CCNY: variants seen among roughly 807,000 people sequenced by gnomAD.
The protein encoded by CCNY is cyclin Y.
In CCNY, 19 loss-of-function variants were observed where a neutral mutation model predicts 42.8. The ratio of observed to expected loss-of-function variants is 0.44; its 90% CI spans 0.31 to 0.65. The LOEUF (loss-of-function observed/expected upper bound fraction) is 0.65, where lower values mean the gene tolerates loss of function less well. Among genes scored for constraint, CCNY ranks in the 30% least tolerant of loss-of-function variants. The probability of loss-of-function intolerance (pLI) is 0.07; values close to 1 mark genes in which losing one functional copy is unlikely to be tolerated. For synonymous variants in CCNY, 165 were observed against 162.7 expected (o/e 1.01, Z -0.11); for missense variants, 370 against 437.3 (o/e 0.85, Z 1.37).
At chr10:35,448,555 C>CT (rs1218178236) in intron 1 of CCNY, among the ~76,000 whole-genome samples, 1 of 152,022 alleles carries the variant, frequency 6.6e-6, no homozygotes, top group African/African-American at 2.4e-5. Flanking sequence ...TAGGACAGTG[C>CT]TTATATAAAG....
chr10:35,382,107 G>A (rs904400628), intron 1 of CCNY, among the ~76,000 whole-genome samples: 7 of 152,180 alleles, frequency 4.6e-5, no homozygotes, highest in African/African-American at 9.7e-5. Context: ...TAGATATGCC[G>A]TTGTAGGCGA....
In CCNY at chr10:35,408,604, A is replaced by AG. The variant is rs565457067; in HGVS notation, c.154+71400dup. 4.4e-4 allele frequency among the ~76,000 whole-genome samples: 66 copies of AG among 151,720 alleles called. 1 individual carries two copies. Among genetic ancestry groups the AG allele is most frequent in the African/African-American group, 1.5e-3 (61 of 41,036 alleles). ...ACAAAGTATATTGATCAGTTAGGGT[A>AG]GGGCAGAAACAAATCACAATGGTAG... On this transcript the variant is annotated intron_variant, in intron 1 of 9. Transcript: ENST00000374704.
chr10:35,495,184 T>C (rs1428206258), intron 2 of CCNY, among the ~76,000 whole-genome samples: 9 of 152,254 alleles, frequency 5.9e-5, no homozygotes, highest in African/African-American at 1.9e-4. Context: ...TCTCTGTGTT[T>C]TCCAAGCAAG....
intron 8 of CCNY, among the ~76,000 whole-genome samples, chr10:35,564,145 G>C (rs578127761): frequency 9.9e-5 from 15 of 151,686 alleles, no homozygotes; most frequent in Non-Finnish European, 1.6e-4. Flanking sequence ...CTCCCAAAGT[G>C]CTGAGATTAC....
intron 4 of CCNY, among the ~76,000 whole-genome samples, chr10:35,518,336 G>A (rs1251520575): frequency 6.6e-6 from 1 of 152,228 alleles, no homozygotes; most frequent in Non-Finnish European, 1.5e-5. Context: ...ACTGATGATT[G>A]AGGTCTCCTT....
chr10:35,434,562 T>C (rs182829765), intron 1 of CCNY, among the ~76,000 whole-genome samples: 23 of 152,344 alleles, frequency 1.5e-4, no homozygotes, highest in African/African-American at 5.5e-4. Flanking sequence ...TTGAACTCTG[T>C]TTTTCTTGGT....
intron 1 of CCNY, among the ~76,000 whole-genome samples, chr10:35,445,671 G>A (rs1431820803): frequency 6.6e-6 from 1 of 152,182 alleles, no homozygotes; most frequent in African/African-American, 2.4e-5. Flanking sequence ...AGGAAAGGAC[G>A]GAGGTTGTTT....
chr10:35,317,594 A>T (rs1835775122), intron 3 of CCNY, among the ~76,000 whole-genome samples: 1 of 152,248 alleles, frequency 6.6e-6, no homozygotes, highest in Non-Finnish European at 1.5e-5. Flanking sequence ...CTACAACTGC[A>T]TGAAGACTGC....
chr10:35,513,502 T>C (rs921659200), intron 3 of CCNY, among the ~76,000 whole-genome samples: 2 of 152,362 alleles, frequency 1.3e-5, no homozygotes, highest in African/African-American at 4.8e-5. Flanking sequence ...TTTTTTGACC[T>C]GTTTAACGCA....
At chr10:35,418,254 T>G (rs943608696) in intron 1 of CCNY, among the ~76,000 whole-genome samples, 2 of 152,156 alleles carry the variant, frequency 1.3e-5, no homozygotes, top group Non-Finnish European at 2.9e-5. Flanking sequence ...AGTGAGCTTT[T>G]TCTACACCAA....
At chr10:35,408,042 T>C (rs1481680356) in intron 1 of CCNY, among the ~76,000 whole-genome samples, 1 of 152,024 alleles carries the variant, frequency 6.6e-6, no homozygotes, top group East Asian at 1.9e-4. Flanking sequence ...TGAAAGGAGT[T>C]GAAATTAAGA....
At chr10:35,397,079 G>T (rs115877820) in intron 1 of CCNY, among the ~76,000 whole-genome samples, 1,794 of 152,262 alleles carry the variant, frequency 0.012, 45 homozygotes, top group African/African-American at 0.041. Context: ...TTACCACATA[G>T]CCCTGTTCTT....
Position 35,570,982 on chromosome 10 carries a change from G to T in CCNY, c.*1812G>T, listed in dbSNP as rs1241931203. 6.6e-6 allele frequency: 1 copy of T among 152,240 alleles called. No homozygotes were observed. Among genetic ancestry groups the T allele is most frequent in the Non-Finnish European group, 1.5e-5 (1 of 68,038 alleles). The allele number at this position is 152,240 out of a possible 1,614,324, so 9.4% of individuals were successfully genotyped here. ...AATTGTGATGATCTACTCTGTATGG[G>T]TACCAAAATCACCTTCTCTCTTCAA... On this transcript the variant is annotated 3_prime_UTR_variant, in exon 10 of 10. Transcript: ENST00000374704.
chr10:35,425,639 A>ATGTAGT (rs1287827537), intron 1 of CCNY, among the ~76,000 whole-genome samples: 1 of 152,230 alleles, frequency 6.6e-6, no homozygotes, highest in African/African-American at 2.4e-5. Flanking sequence ...TTTATAGCAT[A>ATGTAGT]TGTAGTGTGG....
At chr10:35,368,483 C>T (rs1836857772) in intron 1 of CCNY, among the ~76,000 whole-genome samples, 1 of 152,220 alleles carries the variant, frequency 6.6e-6, no homozygotes, top group Non-Finnish European at 1.5e-5. Flanking sequence ...TTATTATTCT[C>T]ATGTATGTGG....
intron 3 of CCNY, among the ~76,000 whole-genome samples, chr10:35,316,677 T>C (rs1029748768): frequency 2.0e-5 from 3 of 152,204 alleles, no homozygotes; most frequent in African/African-American, 7.2e-5. Flanking sequence ...CAAGCCTCTT[T>C]TGGATGGTTG....
At chr10:35,333,650 T>C (rs1000306548), upstream of CCNY, among the ~76,000 whole-genome samples, 2 of 152,194 alleles carry the variant, frequency 1.3e-5, no homozygotes, top group Admixed American at 6.5e-5. Context: ...CTTATCAAAG[T>C]GTCTATTTAT....
chr10:35,551,339 G>A (rs1841252951), intron 7 of CCNY, among the ~76,000 whole-genome samples: 1 of 152,174 alleles, frequency 6.6e-6, no homozygotes, highest in Non-Finnish European at 1.5e-5. Flanking sequence ...CCATTTGGGA[G>A]TGTTGGTATC....
chr10:35,453,706 A>C (rs1458018896), intron 1 of CCNY, among the ~76,000 whole-genome samples: 1 of 152,218 alleles, frequency 6.6e-6, no homozygotes, highest in Non-Finnish European at 1.5e-5. Flanking sequence ...TAAGAATCTT[A>C]ATCAGTAGGT....
Sources: gnomAD v4.1 joint callset for allele counts (sites outside exome capture counted in the v4.1 genomes callset) on GRCh38, gnomAD v4.1.1 for gene constraint, MANE v1.5 for transcripts, NCBI Gene and HGNC (gene_info 2026-07-23, HGNC 2026-07-21) for gene names.